RBMS3: variants seen among roughly 807,000 people sequenced by gnomAD.
RBMS3 encodes RNA-binding motif, single-stranded-interacting protein 3.
A neutral mutation model predicts 66.8 loss-of-function variants in RBMS3; 27 were observed. The observed-to-expected ratio is 0.40, with a 90% CI of 0.30 to 0.56. The LOEUF is 0.56. Among genes scored for constraint, RBMS3 ranks in the 20% least tolerant of loss-of-function variants. The pLI is 0.40. For missense variants in RBMS3, 513 were observed against 549.5 expected (o/e 0.93, Z 0.66); for synonymous variants, 188 against 183.0 (o/e 1.03, Z -0.22).
intron 10 of RBMS3, among the ~76,000 whole-genome samples, chr3:29,929,849 A>G (rs2061061049): frequency 6.6e-6 from 1 of 152,034 alleles, no homozygotes; most frequent in Non-Finnish European, 1.5e-5. Context: ...AATTAGTCTA[A>G]TCCTGTCCAA....
At chr3:29,545,575 T>A (rs2045921615) in intron 3 of RBMS3, among the ~76,000 whole-genome samples, 1 of 152,186 alleles carries the variant, frequency 6.6e-6, no homozygotes, top group Non-Finnish European at 1.5e-5. Flanking sequence ...AGCGCTATGT[T>A]GAAGACAACC....
intron 2 of RBMS3, among the ~76,000 whole-genome samples, chr3:29,444,788 C>T (rs1459112952): frequency 7.3e-4 from 37 of 50,498 alleles, no homozygotes; most frequent in African/African-American, 2.1e-3. Context: ...AAATATATGC[C>T]TTTTTTTTTT....
intron 9 of RBMS3, among the ~76,000 whole-genome samples, chr3:29,899,495 G>C (rs1298124483): frequency 6.6e-6 from 1 of 151,724 alleles, no homozygotes. Context: ...CAGCTCCACT[G>C]ATAGGGGAAG....
intron 1 of RBMS3, among the ~76,000 whole-genome samples, chr3:29,342,719 G>A (rs556911071): frequency 1.3e-5 from 2 of 152,122 alleles, no homozygotes; most frequent in East Asian, 3.9e-4. Context: ...ATATAGTCAG[G>A]TAAGTATATG....
intron 1 of RBMS3, among the ~76,000 whole-genome samples, 182 bp from the exon 2 acceptor site, chr3:29,434,561 G>GT (rs1479965142): frequency 6.6e-6 from 1 of 152,176 alleles, no homozygotes; most frequent in African/African-American, 2.4e-5. Flanking sequence ...GATCTGAATG[G>GT]AGGGCCAGGG....
At chr3:29,876,188 T>C (rs181923551) in intron 7 of RBMS3, among the ~76,000 whole-genome samples, 11 of 152,280 alleles carry the variant, frequency 7.2e-5, no homozygotes, top group Admixed American at 7.2e-4. Flanking sequence ...TTCAGCTTAT[T>C]CTAATTCCTC....
At chr3:29,970,793 C>T (rs1356324043) in intron 12 of RBMS3, among the ~76,000 whole-genome samples, 1 of 151,880 alleles carries the variant, frequency 6.6e-6, no homozygotes, top group Non-Finnish European at 1.5e-5. Flanking sequence ...CATAAAAATC[C>T]CACTCAGAGT....
chr3:29,933,753 C>T (rs1276830828), intron 10 of RBMS3: 1 of 152,068 alleles, frequency 6.6e-6, no homozygotes, highest in Non-Finnish European at 1.5e-5. Flanking sequence ...CCTAGTGTTG[C>T]TATTTACAAT....
At chr3:29,689,304 CATTA>C (rs1294503940) in intron 4 of RBMS3, among the ~76,000 whole-genome samples, 11 of 151,920 alleles carry the variant, frequency 7.2e-5, no homozygotes, top group African/African-American at 2.4e-4. Flanking sequence ...TTTTTTCTGT[CATTA>C]ATTATGTGCT....
Position 29,892,843 on chromosome 3 carries a change from G to GTATTTATTTATTTATT in RBMS3, c.792-4526_792-4511dup, listed in dbSNP as rs371501719. ...TGTATGTATGTATGTATGTATGTAT[G>GTATTTATTTATTTATT]TATTTATTTATTTATTTATTTATTT... On this transcript the variant is annotated intron_variant, in intron 8 of 14. Coordinates refer to ENST00000383767, the MANE Select transcript of RBMS3 (RefSeq NM_001003793.3). 3.4e-3 allele frequency among the ~76,000 whole-genome samples: 471 copies of GTATTTATTTATTTATT among 137,520 alleles called. 3 individuals carry two copies. The highest frequency in any genetic ancestry group is 0.011 in the African/African-American group (401 of 34,924). The allele number at this position is 137,520 out of a possible 152,430, so 90.2% of individuals were successfully genotyped here. A position where few individuals can be genotyped will look rare whatever the true frequency, so the allele number is the denominator to read the frequency against.
chr3:29,959,428 C>T (rs537499956), intron 12 of RBMS3, among the ~76,000 whole-genome samples: 29 of 152,198 alleles, frequency 1.9e-4, no homozygotes, highest in Non-Finnish European at 2.6e-4. Context: ...AAGGGTTGGG[C>T]AGGGGGTGAG....
intron 4 of RBMS3, among the ~76,000 whole-genome samples, chr3:29,662,114 G>T (rs575824138): frequency 6.6e-6 from 1 of 152,246 alleles, no homozygotes; most frequent in East Asian, 1.9e-4. Context: ...GTACTTAAGG[G>T]TTCATTTATA....
chr3:29,558,620 T>C (rs1464209185), intron 3 of RBMS3, among the ~76,000 whole-genome samples: 1 of 152,230 alleles, frequency 6.6e-6, no homozygotes, highest in Non-Finnish European at 1.5e-5. Context: ...CCCAGCATTG[T>C]GTTGGGTACT....
At chr3:29,632,020 CA>C (rs60360709) in intron 4 of RBMS3, among the ~76,000 whole-genome samples, 2 of 151,786 alleles carry the variant, frequency 1.3e-5, no homozygotes, top group Admixed American at 6.6e-5. Context: ...CACTTCCTTG[CA>C]AATGAATGAC....
chr3:29,996,220 A>G (rs1253255966), intron 14 of RBMS3, among the ~76,000 whole-genome samples: 9 of 151,364 alleles, frequency 5.9e-5, no homozygotes, highest in Admixed American at 5.3e-4. Flanking sequence ...AGAGCTAACT[A>G]TCCTAAATAT....
At chr3:29,692,857 T>A (rs996290091) in intron 4 of RBMS3, among the ~76,000 whole-genome samples, 2 of 152,238 alleles carry the variant, frequency 1.3e-5, no homozygotes, top group African/African-American at 4.8e-5. Context: ...TTCTTTAGGA[T>A]AAGTGATTAG....
chr3:29,919,925 T>A (rs542850151), intron 10 of RBMS3, among the ~76,000 whole-genome samples: 5 of 152,344 alleles, frequency 3.3e-5, no homozygotes, highest in African/African-American at 1.2e-4. Context: ...TTAAGGAAAA[T>A]AATTATGAAA....
At chr3:29,897,626 C>A in intron 9 of RBMS3, 151 bp downstream of exon 9, 2 of 678,886 alleles carry the variant, frequency 2.9e-6, no homozygotes, top group Non-Finnish European at 5.1e-6. Flanking sequence ...ATGAGTTAGC[C>A]TATACTTTCA....
intron 6 of RBMS3, among the ~76,000 whole-genome samples, chr3:29,778,461 A>T (rs2056503747): frequency 6.6e-6 from 1 of 150,772 alleles, no homozygotes; most frequent in Non-Finnish European, 1.5e-5. Context: ...GGGATTGGGG[A>T]ATTACTATGT....
Sources: allele counts gnomAD v4.1 joint callset (sites outside exome capture counted in the v4.1 genomes callset), GRCh38; gene constraint gnomAD v4.1.1; transcripts MANE v1.5; gene names NCBI Gene and HGNC (gene_info 2026-07-23, HGNC 2026-07-21).